Variants in PPARGC1B observed in about 807,000 individuals in gnomAD.
PPARGC1B encodes the protein peroxisome proliferator-activated receptor gamma coactivator 1-beta.
In PPARGC1B, 34 loss-of-function variants were observed where a neutral mutation model predicts 101.6. That is an observed-to-expected ratio of 0.33 (90% CI 0.25 to 0.45). The LOEUF (loss-of-function observed/expected upper bound fraction) is 0.45. PPARGC1B is among the 20% of genes least tolerant of loss of function. The pLI, the probability that PPARGC1B is intolerant of heterozygous loss-of-function variation, is 1.00. For missense variants in PPARGC1B, 1,234 were observed against 1,317.6 expected (o/e 0.94, Z 0.98); for synonymous variants, 548 against 539.3 (o/e 1.02, Z -0.22).
At position 149,846,361 on chromosome 5, in the gene PPARGC1B, C is replaced by T. The variant is rs548865911; in HGVS notation, c.2971+447C>T. On this transcript the variant is annotated intron_variant, in intron 11 of 11. Coordinates refer to ENST00000309241, the MANE Select transcript of PPARGC1B (RefSeq NM_133263.4). ...TACGAAAGAATTACTTGGCCAGGCT[C>T]AGTGGCTCATGCCTGTAATCCCATC... 14 of 236,666 alleles carry T rather than the reference C, an allele frequency of 5.9e-5. 1 individual carries two copies. Among genetic ancestry groups the T allele is most frequent in the African/African-American group, 2.5e-4 (11 of 44,742 alleles). The allele number at this position is 236,666 out of a possible 1,614,324, so 14.7% of individuals were successfully genotyped here.
rs761579495 is a variant in PPARGC1B, at chr5:149,832,868, G to A, written c.795G>A (p.Arg265=). ...CCCAGCCAGCTCCAGCCTCTCCCCG[G>A]GACTCCCTAGCTCTGGGCAGGGCAG... The part of the protein sequence containing the change: ...PSPQPAPASP[R]DSLALGRADP... Residue 265 remains arginine (R), a synonymous_variant, in exon 5 of 12, where the codon CGG becomes CGA. Coordinates refer to ENST00000309241, the MANE Select transcript of PPARGC1B (RefSeq NM_133263.4). The surrounding 1 kb of genome is among the most constrained non-coding windows in gnomAD (Gnocchi z 4.9). 3.1e-6 allele frequency: 5 copies of A among 1,611,734 alleles called. No individual in the cohort carries two copies. The South Asian group carries it at 4.4e-5, about 14-fold the overall frequency.
At chr5:149,740,075 G>A (rs1339023777) in intron 1 of PPARGC1B, 1 of 152,262 alleles carries the variant, frequency 6.6e-6, no homozygotes, top group Non-Finnish European at 1.5e-5. Context: ...GTGGGATAAA[G>A]CCATTGATTA....
chr5:149,763,258 T>C (rs1477152322), intron 1 of PPARGC1B, among the ~76,000 whole-genome samples: 1 of 152,244 alleles, frequency 6.6e-6, no homozygotes, highest in African/African-American at 2.4e-5. Context: ...CCCCAGGTTC[T>C]TGGGTGACTC....
chr5:149,760,922 A>G (rs1323060476), intron 1 of PPARGC1B, among the ~76,000 whole-genome samples: 1 of 152,090 alleles, frequency 6.6e-6, no homozygotes, highest in African/African-American at 2.4e-5. Context: ...ATTAATGGGG[A>G]GATTTCTGGA....
Position 149,842,479 on chromosome 5 carries a change from C to A in PPARGC1B, c.2816+102C>A, listed in dbSNP as rs1759391957. On this transcript the variant is annotated intron_variant, in intron 10 of 11. Transcript: ENST00000309241. Reference sequence around the variant, plus strand: ...GATGCCCAAGATTTGTGAAATGAATCTGACAAAATCCATAGCCTAGATGTG... The same window carrying A: ...GATGCCCAAGATTTGTGAAATGAATATGACAAAATCCATAGCCTAGATGTG... 3.3e-6 allele frequency: 5 copies of A among 1,513,646 alleles called. No homozygotes were observed. The South Asian group carries it at 6.1e-5, about 18-fold the overall frequency. The allele number at this position is 1,513,646 out of a possible 1,614,324, so 93.8% of individuals were successfully genotyped here.
intron 1 of PPARGC1B, among the ~76,000 whole-genome samples, chr5:149,755,321 G>C (rs1192787104): frequency 1.3e-5 from 2 of 151,466 alleles, no homozygotes; most frequent in African/African-American, 4.8e-5. Context: ...TGAACCCCTG[G>C]GCTCAATCAT....
Position 149,845,794 on chromosome 5 carries a change from T to C in PPARGC1B, c.2851T>C (p.Ser951Pro). 6.2e-7 allele frequency: 1 copy of C among 1,613,814 alleles called. No individual in the cohort carries two copies. ...EKYGFITYRCSEHAALSLTKG... is the reference protein window; with the variant it reads ...EKYGFITYRCPEHAALSLTKG... ...GTACGGCTTCATCACCTACCGGTGTTCTGAGCACGCGGCCCTCTCTTTGAC... is the reference window on the plus strand; with the variant it reads ...GTACGGCTTCATCACCTACCGGTGTCCTGAGCACGCGGCCCTCTCTTTGAC... The change falls in exon 11 of 12, where the codon TCT becomes CCT. Residue 951 changes from serine (S) to proline (P), a missense_variant. By Grantham distance (74) the Ser-to-Pro change is moderately conservative. Transcript: ENST00000309241.
chr5:149,755,005 C>CAT (rs1298503334), intron 1 of PPARGC1B, among the ~76,000 whole-genome samples: 42 of 145,248 alleles, frequency 2.9e-4, no homozygotes, highest in African/African-American at 8.5e-4. Flanking sequence ...ATATACACTA[C>CAT]ATATATATAT....
At chr5:149,856,717 C>A (rs979620768), downstream of PPARGC1B, among the ~76,000 whole-genome samples, 7 of 150,410 alleles carry the variant, frequency 4.7e-5, no homozygotes, top group Non-Finnish European at 2.9e-5. Flanking sequence ...CAGTATGGTA[C>A]AAGGAAAATG....
intron 9 of PPARGC1B, among the ~76,000 whole-genome samples, chr5:149,840,799 A>G (rs1581121996): frequency 6.6e-6 from 1 of 152,342 alleles, no homozygotes; most frequent in East Asian, 1.9e-4. Context: ...GGAAAGTAGG[A>G]TGGAAACACA....
intron 1 of PPARGC1B, among the ~76,000 whole-genome samples, chr5:149,758,468 T>C (rs140713234): frequency 6.6e-6 from 1 of 152,358 alleles, no homozygotes; most frequent in Non-Finnish European, 1.5e-5. Flanking sequence ...ACACTTGTTA[T>C]TATGATTGTG....
At chr5:149,857,531 T>A (rs1217709638), downstream of PPARGC1B, among the ~76,000 whole-genome samples, 1 of 152,252 alleles carries the variant, frequency 6.6e-6, no homozygotes, top group African/African-American at 2.4e-5. Flanking sequence ...GACAGGCCTC[T>A]GCTTAAAGAC....
rs529187157 is a variant in PPARGC1B, at chr5:149,742,566, TTTA to T, written c.78+12158_78+12160del. On this transcript the variant is annotated intron_variant, in intron 1 of 11. Coordinates refer to ENST00000309241, the MANE Select transcript of PPARGC1B (RefSeq NM_133263.4). ...AGGCAGTGGGGAGTTGGCAAAGAGT[TTTA>T]TTATTATTATTCATAACAGTAATAA... Among the ~76,000 whole-genome samples the T allele has an allele frequency of 2.5e-3, 377 of 152,236 alleles. 2 individuals carry two copies. The highest frequency in any genetic ancestry group is 8.2e-3 in the African/African-American group (342 of 41,528).
At chr5:149,847,107 T>C in intron 11 of PPARGC1B, 1 of 379,302 alleles carries the variant, frequency 2.6e-6, no homozygotes, top group Non-Finnish European at 5.0e-6. Flanking sequence ...ATTCTAGTGT[T>C]GTTAGCCCTC....
At chr5:149,756,594 C>T (rs943786245) in intron 1 of PPARGC1B, among the ~76,000 whole-genome samples, 4 of 152,204 alleles carry the variant, frequency 2.6e-5, no homozygotes, top group East Asian at 3.9e-4. Flanking sequence ...CGGGGACCAG[C>T]GTCAGGTCTA....
Position 149,833,253 on chromosome 5 carries a change from G to T in PPARGC1B, c.1180G>T (p.Val394Leu). The change falls in exon 5 of 12, where the codon GTA (valine) becomes TTA (leucine). Residue 394 changes from valine (V) to leucine (L), a missense_variant. By Grantham distance (32) the Val-to-Leu change is conservative. This residue lies in a region of PPARGC1B where 734 missense variants were observed against 768.4 expected (regional missense o/e 0.96). Transcript: ENST00000309241. This position sits in a 1 kb window ranked among gnomAD's most constrained non-coding sequence, Gnocchi z 4.1. ...TGGTCGCCCGTCCTCGGTGGAGGAG[G>T]TAAGGATCGCAGCTTCACCCAAGAG... is the stretch of plus-strand genomic sequence containing the variant. ...SPGRPSSVEE[V>L]RIAASPKSTG... 5 of 1,613,342 alleles carry T rather than the reference G, an allele frequency of 3.1e-6. No individual in the cohort carries two copies. Among genetic ancestry groups the T allele is most frequent in the Non-Finnish European group, 4.2e-6 (5 of 1,179,996 alleles).
At chr5:149,827,857 A>G (rs1320516320) in intron 3 of PPARGC1B, among the ~76,000 whole-genome samples, 1 of 152,238 alleles carries the variant, frequency 6.6e-6, no homozygotes, top group Admixed American at 6.5e-5. Context: ...GAGAGCACCC[A>G]TAGCTGAGCT....
At chr5:149,766,582 A>C (rs1755919451) in intron 1 of PPARGC1B, among the ~76,000 whole-genome samples, 1 of 152,154 alleles carries the variant, frequency 6.6e-6, no homozygotes, top group African/African-American at 2.4e-5. Context: ...CCTCCTAGTA[A>C]GTAACCTCTC....
chr5:149,769,931 C>T (rs1401125052), intron 1 of PPARGC1B, among the ~76,000 whole-genome samples: 3 of 152,140 alleles, frequency 2.0e-5, no homozygotes, highest in East Asian at 1.9e-4. Flanking sequence ...CTCCCATCTC[C>T]GTATTCTGAA....
Sources: allele counts gnomAD v4.1 joint callset (sites outside exome capture counted in the v4.1 genomes callset), GRCh38; gene constraint gnomAD v4.1.1; regional missense constraint gnomAD v4.1.1; non-coding constraint Gnocchi (gnomAD v3.1); transcripts MANE v1.5; gene names NCBI Gene and HGNC (gene_info 2026-07-23, HGNC 2026-07-21).